The following IGSF10 variants were observed in gnomAD, a reference collection of about 807,000 sequenced individuals.
The protein encoded by IGSF10 is immunoglobulin superfamily member 10.
A neutral mutation model predicts 128.2 loss-of-function variants in IGSF10; 126 were observed. That is an observed-to-expected ratio of 0.98 (90% confidence interval 0.85 to 1.14). The LOEUF (loss-of-function observed/expected upper bound fraction) is 1.14, where lower values mean the gene tolerates loss of function less well. Among genes scored for constraint, IGSF10 ranks in the 50% most tolerant of loss-of-function variants. The probability of loss-of-function intolerance (pLI) is 0.00; values close to 1 mark genes in which losing one functional copy is unlikely to be tolerated. For synonymous variants in IGSF10, 1,185 were observed against 1,146.2 expected, an observed-to-expected ratio of 1.03 and a Z score of -0.68; for missense variants, 3,295 against 3,149.8, an observed-to-expected ratio of 1.05 and a Z score of -1.10.
chr3:151,510,677 G>A, the IGSF10 span, among the ~76,000 whole-genome samples: 3 of 152,088 alleles, frequency 2.0e-5, no homozygotes, highest in Admixed American at 6.6e-5. Context: ...AGCTAAAGGA[G>A]GAAGTGTGAA....
the IGSF10 span, among the ~76,000 whole-genome samples, chr3:151,579,677 C>T: frequency 6.6e-6 from 1 of 150,800 alleles, no homozygotes; most frequent in Non-Finnish European, 1.5e-5. Flanking sequence ...AACTGGAATC[C>T]CAGAAGGAGA....
upstream of IGSF10, among the ~76,000 whole-genome samples, chr3:151,461,922 T>C (rs1722075516): frequency 6.6e-6 from 1 of 152,228 alleles, no homozygotes; most frequent in Non-Finnish European, 1.5e-5. Context: ...CTTTTGTTTT[T>C]TAACTGCCAA....
the IGSF10 span, among the ~76,000 whole-genome samples, chr3:151,597,713 T>C: frequency 1.6e-4 from 24 of 152,196 alleles, no homozygotes; most frequent in Non-Finnish European, 2.9e-4. Flanking sequence ...GGTCAGGAGT[T>C]CAAGACCAGC....
chr3:151,514,141 C>T, the IGSF10 span, among the ~76,000 whole-genome samples: 6 of 151,874 alleles, frequency 4.0e-5, no homozygotes, highest in Non-Finnish European at 2.9e-5. Context: ...CATATGGAAC[C>T]AAAAAAGAGC....
chr3:151,548,607 T>C, the IGSF10 span, among the ~76,000 whole-genome samples: 4 of 152,258 alleles, frequency 2.6e-5, no homozygotes, highest in African/African-American at 7.2e-5. Context: ...TGTTTTTCAG[T>C]GTCCTGAAAG....
the IGSF10 span, among the ~76,000 whole-genome samples, chr3:151,537,733 A>C: frequency 1.3e-5 from 2 of 152,064 alleles, no homozygotes; most frequent in African/African-American, 4.8e-5. Flanking sequence ...AAAAAATAAT[A>C]ATCTCTTCTA....
chr3:151,445,218 T>A lies in IGSF10; in HGVS notation c.4763A>T (p.Lys1588Ile). 1 of 1,614,248 alleles carries A rather than the reference T, an allele frequency of 6.2e-7. No homozygotes were observed. Among genetic ancestry groups the A allele is most frequent in the Non-Finnish European group, 8.5e-7 (1 of 1,180,046 alleles). Residue 1588 changes from lysine (K) to isoleucine (I), a missense_variant, in exon 6 of 8, where the codon AAA (lysine) becomes ATA (isoleucine). Physicochemically the swap from Lys to Ile is moderately radical, Grantham distance 102. Coordinates refer to ENST00000282466, the MANE Select transcript of IGSF10 (RefSeq NM_178822.5). The stretch of plus-strand genomic sequence containing the variant: ...AGCCAACATGCTTACTTCTGGCTTT[T>A]TGCCTTTTTCAGCAATTTCTGAGTA... Reference protein sequence around the residue: ...KPYSEIAEKGKKPEVSMLATT... With the variant: ...KPYSEIAEKGIKPEVSMLATT...
At chr3:151,521,360 G>A in the IGSF10 span, among the ~76,000 whole-genome samples, 3,128 of 151,846 alleles carry the variant, frequency 0.021, 104 homozygotes, top group African/African-American at 0.071. Context: ...TGGGCCAAAT[G>A]GATTTGATAT....
the IGSF10 span, among the ~76,000 whole-genome samples, chr3:151,566,686 G>A: frequency 6.6e-6 from 1 of 152,210 alleles, no homozygotes. Context: ...ACCACTGGGA[G>A]CCATAGAGTG....
At chr3:151,547,459 CG>C in the IGSF10 span, among the ~76,000 whole-genome samples, 2 of 150,140 alleles carry the variant, frequency 1.3e-5, no homozygotes, top group African/African-American at 4.9e-5. Flanking sequence ...CACACACACA[CG>C]TTATTCAAAA....
chr3:151,529,522 T>A, the IGSF10 span, among the ~76,000 whole-genome samples: 1 of 152,176 alleles, frequency 6.6e-6, no homozygotes, highest in African/African-American at 2.4e-5. Context: ...CAGGCAGCAA[T>A]CTTTGCTGTT....
the IGSF10 span, among the ~76,000 whole-genome samples, chr3:151,588,483 C>T: frequency 6.6e-6 from 1 of 152,080 alleles, no homozygotes; most frequent in Non-Finnish European, 1.5e-5. Context: ...TATGTGCATA[C>T]AGAGAATCTT....
At chr3:151,492,960 A>C in the IGSF10 span, among the ~76,000 whole-genome samples, 2 of 152,198 alleles carry the variant, frequency 1.3e-5, no homozygotes, top group African/African-American at 4.8e-5. Context: ...ATATGTATAT[A>C]GTTTATAAAG....
chr3:151,617,321 C>CTTCTT, the IGSF10 span, among the ~76,000 whole-genome samples: 65 of 36,040 alleles, frequency 1.8e-3, 2 homozygotes, highest in South Asian at 3.2e-3. Context: ...TTCTTCTTCC[C>CTTCTT]CTCCTCCTCC....
chr3:151,470,993 T>C, the IGSF10 span, among the ~76,000 whole-genome samples: 4 of 152,112 alleles, frequency 2.6e-5, no homozygotes, highest in African/African-American at 9.7e-5. Context: ...AAGACCACAA[T>C]TGTGTAAGTG....
At chr3:151,442,466 G>T (rs1386211402) in intron 7 of IGSF10, among the ~76,000 whole-genome samples, 4 of 143,044 alleles carry the variant, frequency 2.8e-5, no homozygotes, top group African/African-American at 7.9e-5. Context: ...TGCAACCTCT[G>T]CCTTCCAGGT....
Position 151,445,831 on chromosome 3 carries a change from T to C in IGSF10, c.4150A>G (p.Thr1384Ala). 1 of 1,614,194 alleles carries C rather than the reference T, an allele frequency of 6.2e-7. No individual in the cohort carries two copies. Among genetic ancestry groups the C allele is most frequent in the Non-Finnish European group, 8.5e-7 (1 of 1,180,040 alleles). The part of the protein sequence containing the change: ...MTPPVLTTAE[T>A]SVKPSVSAFT... ...GCAGAGACACTGGGCTTGACTGAAG[T>C]TTCGGCTGTGGTTAGAACAGGAGGT... The change falls in exon 6 of 8, where the codon ACT becomes GCT. Residue 1384 changes from threonine (T) to alanine (A), a missense_variant. Thr to Ala is a moderately conservative substitution (Grantham distance 58). Coordinates refer to ENST00000282466, the MANE Select transcript of IGSF10 (RefSeq NM_178822.5).
the IGSF10 span, among the ~76,000 whole-genome samples, chr3:151,484,447 T>G: frequency 6.6e-6 from 1 of 152,142 alleles, no homozygotes; most frequent in African/African-American, 2.4e-5. Context: ...GTTTGAGCTC[T>G]GATAAGAGAC....
the IGSF10 span, among the ~76,000 whole-genome samples, chr3:151,523,106 C>A: frequency 4.6e-5 from 7 of 152,210 alleles, no homozygotes; most frequent in Middle Eastern, 3.4e-3. Flanking sequence ...ATACAGCTAA[C>A]CAGGGAGCTG....
Sources: gnomAD v4.1 joint callset for allele counts (sites outside exome capture counted in the v4.1 genomes callset) on GRCh38, gnomAD v4.1.1 for gene constraint, MANE v1.5 for transcripts, NCBI Gene and HGNC (gene_info 2026-07-23, HGNC 2026-07-21) for gene names.